The following ZNF197 variants were observed in gnomAD, a reference collection of about 807,000 sequenced individuals.
ZNF197 encodes VHL-associated KRAB-A domain-containing protein.
Under a neutral mutation model 27.4 loss-of-function variants are expected in ZNF197, and 14 were observed. The ratio of observed to expected loss-of-function variants is 0.51; its 90% confidence interval spans 0.34 to 0.80. ZNF197 has a LOEUF of 0.80. ZNF197 is among the 30% of genes least tolerant of loss of function. The pLI is 0.02. For missense variants in ZNF197, 1,090 were observed against 1,222.6 expected (o/e 0.89, Z 1.62); for synonymous variants, 415 against 420.0 (o/e 0.99, Z 0.15).
At position 44,631,133 on chromosome 3, in the gene ZNF197, T is replaced by G. The variant is rs978672176; in HGVS notation, c.462T>G (p.Pro154=). The change falls in exon 3 of 6, where the codon CCT becomes CCG. Residue 154 remains proline, a synonymous_variant. Coordinates refer to ENST00000344387, the MANE Select transcript of ZNF197 (RefSeq NM_006991.5). The part of the protein sequence containing the change: ...VVSAPGTTLP[P]VLPGSHIAAE... ...GTGCCCCAGGAACAACACTTCCTCC[T>G]GTACTTCCTGGCAGCCACATAGCAG... 6.2e-7 allele frequency: 1 copy of G among 1,614,024 alleles called. No individual in the cohort carries two copies. The highest frequency in any genetic ancestry group is 8.5e-7 in the Non-Finnish European group (1 of 1,180,016).
chr3:44,642,524 G>A lies in ZNF197; in HGVS notation c.1394G>A (p.Arg465Lys). The A allele has an allele frequency of 6.2e-7, 1 of 1,613,600 alleles. No homozygotes were observed. Among genetic ancestry groups the A allele is most frequent in the East Asian group, 2.2e-5 (1 of 44,846 alleles). ...KCKECGKGFYRHSGLIIHLRR... is the reference protein window; with the variant it reads ...KCKECGKGFYKHSGLIIHLRR... ...AAGGAGTGTGGAAAGGGCTTCTATA[G>A]GCACTCAGGCCTAATTATACATCTA... The change falls in exon 6 of 6, where the codon AGG (arginine) becomes AAG (lysine). Residue 465 changes from arginine to lysine, a missense_variant. Transcript: ENST00000344387.
chr3:44,634,812 A>G (rs561137574), intron 5 of ZNF197, among the ~76,000 whole-genome samples: 2 of 152,270 alleles, frequency 1.3e-5, no homozygotes, highest in East Asian at 1.9e-4. Context: ...ATATTTATCA[A>G]TATATCTTGA....
rs1701977518 is a variant in ZNF197, at chr3:44,631,302, C to T, written c.550+81C>T. 2.2e-5 allele frequency: 34 copies of T among 1,539,076 alleles called. 1 individual carries two copies. In the South Asian group the frequency reaches 4.1e-4, roughly 18 times the overall value. ...TCCCCCTACTTCCAGGGAGTTGCTT[C>T]CTCTGCTACCCTGTCTAGGAGTCTC... On this transcript the variant is annotated intron_variant, in intron 3 of 5. Coordinates refer to ENST00000344387, the MANE Select transcript of ZNF197 (RefSeq NM_006991.5).
At chr3:44,627,098 G>C (rs1381459090) in intron 1 of ZNF197, among the ~76,000 whole-genome samples, 5 of 152,010 alleles carry the variant, frequency 3.3e-5, no homozygotes, top group African/African-American at 1.2e-4. Flanking sequence ...AAGGGAACTA[G>C]AAAACAATAT....
At chr3:44,631,352 G>C (rs905444165) in intron 3 of ZNF197, 131 bp downstream of exon 3, 2 of 1,123,016 alleles carry the variant, frequency 1.8e-6, no homozygotes, top group Non-Finnish European at 2.5e-6. Context: ...TCTTTCTGCT[G>C]TTCTGTTGTT....
rs1703080621 is a variant in ZNF197 at position 44,648,339 on chromosome 3, A to G, written c.*4119A>G. Reference sequence around the variant, plus strand: ...TTCAAAAAAATGATTTTAAATATGTATTGAGAGATCAGGCAAACATAGCAA... The same window carrying G: ...TTCAAAAAAATGATTTTAAATATGTGTTGAGAGATCAGGCAAACATAGCAA... On this transcript the variant is annotated 3_prime_UTR_variant, in exon 6 of 6. Transcript: ENST00000344387. 1 of 152,228 alleles carries G rather than the reference A, an allele frequency of 6.6e-6. No homozygotes were observed. The highest frequency in any genetic ancestry group is 1.9e-4 in the East Asian group (1 of 5,198). The allele number at this position is 152,228 out of a possible 1,614,324, so 9.4% of individuals were successfully genotyped here. A position where few individuals can be genotyped will look rare whatever the true frequency, so the allele number is the denominator to read the frequency against.
In ZNF197 at chr3:44,642,138, A is replaced by C; in HGVS notation, c.1008A>C (p.Pro336=). The change falls in exon 6 of 6, where the codon CCA becomes CCC. Residue 336 remains proline, a synonymous_variant. Coordinates refer to ENST00000344387, the MANE Select transcript of ZNF197 (RefSeq NM_006991.5). The part of the protein sequence containing the change: ...LCERDKKKRT[P]PEKQGQKWKE... ...AACGAGACAAGAAGAAAAGGACTCC[A>C]CCAGAGAAACAAGGCCAAAAGTGGA... is the stretch of plus-strand genomic sequence containing the variant. 1 of 1,614,160 alleles carries C rather than the reference A, an allele frequency of 6.2e-7. No homozygotes were observed. Among genetic ancestry groups the C allele is most frequent in the Non-Finnish European group, 8.5e-7 (1 of 1,180,006 alleles).
Position 44,642,337 on chromosome 3 carries a change from T to C in ZNF197, c.1207T>C (p.Cys403Arg). Residue 403 changes from cysteine (C) to arginine (R), a missense_variant, in exon 6 of 6, where the codon TGT becomes CGT. Coordinates refer to ENST00000344387, the MANE Select transcript of ZNF197 (RefSeq NM_006991.5). ...TGAGAAACCTCATAAATGTAAGGAA[T>C]GTGGAAAAGGCTTTATTCAGCGTTC... ...TGEKPHKCKE[C>R]GKGFIQRSSL... The C allele has an allele frequency of 1.2e-6, 2 of 1,614,182 alleles. No individual in the cohort carries two copies. Among genetic ancestry groups the C allele is most frequent in the Non-Finnish European group, 1.7e-6 (2 of 1,180,028 alleles).
intron 5 of ZNF197, among the ~76,000 whole-genome samples, chr3:44,639,265 ATATT>A (rs1423361883): frequency 6.6e-6 from 1 of 152,034 alleles, no homozygotes; most frequent in Non-Finnish European, 1.5e-5. Flanking sequence ...TTCATAAGCT[ATATT>A]TATCTATAGT....
chr3:44,628,107 T>A (rs181338444), intron 1 of ZNF197, among the ~76,000 whole-genome samples: 4 of 152,296 alleles, frequency 2.6e-5, no homozygotes, highest in Admixed American at 6.5e-5. Flanking sequence ...CCTGAAGAAA[T>A]AAGCAGAGAT....
intron 5 of ZNF197, 135 bp downstream of exon 5, chr3:44,632,734 G>T: frequency 1.9e-6 from 2 of 1,043,996 alleles, no homozygotes; most frequent in Non-Finnish European, 1.3e-6. Context: ...CCTTAACATC[G>T]CTATTTCCAG....
chr3:44,642,223 G>A lies in ZNF197; in HGVS notation c.1093G>A (p.Glu365Lys), dbSNP rs1395338273. 2 of 1,614,090 alleles carry A rather than the reference G, an allele frequency of 1.2e-6. No individual in the cohort carries two copies. The highest frequency in any genetic ancestry group is 1.7e-6 in the Non-Finnish European group (2 of 1,179,996). The change falls in exon 6 of 6, where the codon GAA becomes AAA. Residue 365 changes from glutamate (E) to lysine (K), a missense_variant. By Grantham distance (56) the Glu-to-Lys change is moderately conservative. Coordinates refer to ENST00000344387, the MANE Select transcript of ZNF197 (RefSeq NM_006991.5). ...TATTTCTGAAAGTTTAATAGGTACT[G>A]AAGGAAAGAAGTTTTATAAATGTGA... ...SAISESLIGT[E>K]GKKFYKCDMC...
chr3:44,632,219 T>C, intron 4 of ZNF197, 23 bp downstream of exon 4: 2 of 1,611,686 alleles, frequency 1.2e-6, no homozygotes, highest in Non-Finnish European at 1.7e-6. Flanking sequence ...TCCTCTTTCC[T>C]TCCCATCTGC....
rs1249068034 is a variant in ZNF197, at chr3:44,629,494, G to A, written c.340G>A (p.Val114Met). The A allele has an allele frequency of 2.5e-6, 4 of 1,596,988 alleles. No homozygotes were observed. In the Admixed American group the frequency reaches 7.0e-5, roughly 28 times the overall value. The stretch of plus-strand genomic sequence containing the variant: ...TCACCCTGGAAGTGGCGAGGAGGCT[G>A]TGGCCCTGGTAGAGGAGCTGCAGAA... Reference protein sequence around the residue: ...LHHPGSGEEAVALVEELQKDL... With the variant: ...LHHPGSGEEAMALVEELQKDL... Residue 114 changes from valine to methionine, a missense_variant, in exon 2 of 6, where the codon GTG becomes ATG. Coordinates refer to ENST00000344387, the MANE Select transcript of ZNF197 (RefSeq NM_006991.5).
In ZNF197 at chr3:44,640,007, T is replaced by C. The variant is rs545705369; in HGVS notation, c.770-1893T>C. ...TCAAATTTACCTATCGGAAAGATCA[T>C]TGACAGAAGATAGGCATGGATTAGG... On this transcript the variant is annotated intron_variant, in intron 5 of 5. Transcript: ENST00000344387. This position sits in a 1 kb window ranked among gnomAD's most constrained non-coding sequence, Gnocchi z 4.0. 2.0e-5 allele frequency among the ~76,000 whole-genome samples: 3 copies of C among 152,268 alleles called. No individual in the cohort carries two copies. The highest frequency in any genetic ancestry group is 2.9e-5 in the Non-Finnish European group (2 of 68,026).
rs1360733518 is a variant in ZNF197 at position 44,644,642 on chromosome 3, AAAAAT to A, written c.*426_*430del. 1 of 987,648 alleles carries A rather than the reference AAAAAT, an allele frequency of 1.0e-6. No homozygotes were observed. The highest frequency in any genetic ancestry group is 6.0e-5 in the Admixed American group (1 of 16,570). The allele number at this position is 987,648 out of a possible 1,614,324, so 61.2% of individuals were successfully genotyped here. ...CAACAAGAGCGAAACTCTTGTCTGA[AAAAAT>A]AAAGTTCATCCCAACTTTCAAGTCT... On this transcript the variant is annotated 3_prime_UTR_variant, in exon 6 of 6. Transcript: ENST00000344387.
Position 44,642,645 on chromosome 3 carries a change from AG to A in ZNF197, c.1519del (p.Glu507LysfsTer15), listed in dbSNP as rs1702683246. On this transcript the variant is annotated frameshift_variant, in exon 6 of 6. Coordinates refer to ENST00000344387, the MANE Select transcript of ZNF197 (RefSeq NM_006991.5). LOFTEE classifies it low-confidence loss of function (END_TRUNC). ...YLIDHQRLHKGEEPYKCNKCQ... is the reference protein window; with the variant it reads ...YLIDHQRLHKXEEPYKCNKCQ... The stretch of plus-strand genomic sequence containing the variant: ...TCATTGACCATCAGAGGCTCCACAA[AG>A]GGGAAGAACCTTATAAATGTAATAA... The A allele has an allele frequency of 1.2e-6, 2 of 1,613,806 alleles. No homozygotes were observed. Among genetic ancestry groups the A allele is most frequent in the South Asian group, 2.2e-5 (2 of 91,068 alleles).
rs1201538051 is a variant in ZNF197, at chr3:44,648,427, T to A, written c.*4207T>A. Reference sequence around the variant, plus strand: ...TTCAATGTGCCATACTTTCAACTCTTCTGTACTCTGATATTTTCAAAATAA... The same window carrying A: ...TTCAATGTGCCATACTTTCAACTCTACTGTACTCTGATATTTTCAAAATAA... On this transcript the variant is annotated 3_prime_UTR_variant, in exon 6 of 6. Transcript: ENST00000344387. 6.6e-6 allele frequency: 1 copy of A among 152,212 alleles called. No homozygotes were observed. The highest frequency in any genetic ancestry group is 1.5e-5 in the Non-Finnish European group (1 of 68,038). 9.4% of individuals were successfully genotyped at this position (152,212 alleles called of 1,614,324 possible).
chr3:44,631,502 G>A (rs142704009), intron 3 of ZNF197, among the ~76,000 whole-genome samples: 223 of 151,776 alleles, frequency 1.5e-3, no homozygotes, highest in African/African-American at 3.8e-3. Context: ...CTGGGTTTAC[G>A]CCATTCTCCT....
Sources: allele counts gnomAD v4.1 joint callset (sites outside exome capture counted in the v4.1 genomes callset), GRCh38; gene constraint gnomAD v4.1.1; non-coding constraint Gnocchi (gnomAD v3.1); transcripts MANE v1.5; gene names NCBI Gene and HGNC (gene_info 2026-07-23, HGNC 2026-07-21).